Variants in NSRP1 observed in about 807,000 individuals in gnomAD.
The protein encoded by NSRP1 is coiled-coil domain containing 55.
A neutral mutation model predicts 54.7 loss-of-function variants in NSRP1; 24 were observed. The ratio of observed to expected loss-of-function variants is 0.44; its 90% confidence interval spans 0.32 to 0.62. The LOEUF is 0.62. Among genes scored for constraint, NSRP1 ranks in the 20% least tolerant of loss-of-function variants. The pLI is 0.06. For synonymous variants in NSRP1, 210 were observed against 213.8 expected (o/e 0.98, Z 0.15); for missense variants, 596 against 651.2 (o/e 0.92, Z 0.92).
intron 2 of NSRP1, chr17:30,168,784 CTT>C (rs947007273): frequency 1.3e-4 from 19 of 151,738 alleles, no homozygotes; most frequent in African/African-American, 4.4e-4. Flanking sequence ...TACTGCTACT[CTT>C]TTAAGCTTTT....
intron 2 of NSRP1, among the ~76,000 whole-genome samples, chr17:30,119,085 AT>A (rs1053446191): frequency 4.8e-5 from 7 of 144,816 alleles, no homozygotes; most frequent in South Asian, 2.2e-4. Context: ...ATGTTTTAAT[AT>A]TTTTTTTTCT....
chr17:30,118,077 C>T lies in NSRP1; in HGVS notation c.21-3C>T. 6.2e-7 allele frequency: 1 copy of T among 1,608,508 alleles called. No individual in the cohort carries two copies. Among genetic ancestry groups the T allele is most frequent in the Middle Eastern group, 1.7e-4 (1 of 6,034 alleles). ...ATTTCTATTTCAAAAAAAATATATGCAGGTATGGGCTTATTTTGCCAAAGA... is the reference window on the plus strand; with the variant it reads ...ATTTCTATTTCAAAAAAAATATATGTAGGTATGGGCTTATTTTGCCAAAGA... On this transcript the variant is annotated splice_region_variant and splice_polypyrimidine_tract_variant and intron_variant, in intron 1 of 6. Transcript: ENST00000247026.
rs749995123 is a variant in NSRP1, at chr17:30,185,011, G to C, written c.1014G>C (p.Arg338=). 1 of 1,614,142 alleles carries C rather than the reference G, an allele frequency of 6.2e-7. No individual in the cohort carries two copies. Among genetic ancestry groups the C allele is most frequent in the Non-Finnish European group, 8.5e-7 (1 of 1,180,034 alleles). ...ACCATTACACTGACCGTGATTACCG[G>C]AAAGAAAGGGATTCTCATAGGCACA... The part of the protein sequence containing the change: ...QENHYTDRDY[R]KERDSHRHRE... The change falls in exon 7 of 7, where the codon CGG becomes CGC. Residue 338 remains arginine (R), a synonymous_variant. Coordinates refer to ENST00000247026, the MANE Select transcript of NSRP1 (RefSeq NM_032141.4).
At chr17:30,168,752 T>C (rs1385431571) in intron 2 of NSRP1, 1 of 151,794 alleles carries the variant, frequency 6.6e-6, no homozygotes, top group Non-Finnish European at 1.5e-5. Context: ...AGGGTTACTA[T>C]TACAGAAAAA....
chr17:30,149,136 C>T (rs1164156349), intron 2 of NSRP1, among the ~76,000 whole-genome samples: 1 of 152,138 alleles, frequency 6.6e-6, no homozygotes, highest in African/African-American at 2.4e-5. Flanking sequence ...TGAAGACTTA[C>T]AGGTATAGCT....
chr17:30,178,210 T>C lies in NSRP1; in HGVS notation c.300+11T>C. On this transcript the variant is annotated intron_variant, in intron 4 of 6. Transcript: ENST00000247026. ...GGGAAAGACAGAAAGGTTTGTAAGC[T>C]GAAATAACAAACTTTCTTTGACCTT... is the stretch of plus-strand genomic sequence containing the variant. 1 of 1,587,880 alleles carries C rather than the reference T, an allele frequency of 6.3e-7. No individual in the cohort carries two copies. The highest frequency in any genetic ancestry group is 8.5e-7 in the Non-Finnish European group (1 of 1,173,610).
At chr17:30,121,393 A>G (rs1008323803) in intron 2 of NSRP1, among the ~76,000 whole-genome samples, 2 of 151,246 alleles carry the variant, frequency 1.3e-5, no homozygotes, top group Non-Finnish European at 2.9e-5. Context: ...CCACAGAAAT[A>G]AGTAGGACCT....
intron 3 of NSRP1, among the ~76,000 whole-genome samples, chr17:30,175,398 G>GT (rs1231840773): frequency 1.3e-5 from 2 of 151,784 alleles, no homozygotes; most frequent in Non-Finnish European, 2.9e-5. Context: ...TTGCTTGTTT[G>GT]TTTTTTGGGG....
intron 2 of NSRP1, chr17:30,149,975 T>TA (rs2071890746): frequency 6.6e-6 from 1 of 152,272 alleles, no homozygotes; most frequent in African/African-American, 2.4e-5. Flanking sequence ...TTCTTCCCTC[T>TA]ACTCTGCCCT....
rs541306672 is a variant in NSRP1 at position 30,135,834 on chromosome 17, T to G, written c.114+17661T>G. ...TGTGCATCTCATGCCCCCATTCATATAGGTGAAATCCCTCTAAACATGCAT... is the reference window on the plus strand; with the variant it reads ...TGTGCATCTCATGCCCCCATTCATAGAGGTGAAATCCCTCTAAACATGCAT... On this transcript the variant is annotated intron_variant, in intron 2 of 6. Transcript: ENST00000247026. Among the ~76,000 whole-genome samples, 3 of 152,280 alleles carry G rather than the reference T, an allele frequency of 2.0e-5. No homozygotes were observed. The South Asian group carries it at 6.2e-4, about 32-fold the overall frequency.
At chr17:30,162,530 A>G (rs528201317) in intron 2 of NSRP1, among the ~76,000 whole-genome samples, 1 of 152,364 alleles carries the variant, frequency 6.6e-6, no homozygotes, top group African/African-American at 2.4e-5. Flanking sequence ...AGTAAAAAAG[A>G]ACAGGAAGTT....
chr17:30,166,070 T>A (rs1904719386), intron 2 of NSRP1, among the ~76,000 whole-genome samples: 1 of 152,176 alleles, frequency 6.6e-6, no homozygotes, highest in Admixed American at 6.5e-5. Flanking sequence ...TTCAGCCATA[T>A]ATTTTTAAAC....
chr17:30,181,676 T>C (rs368373098), intron 6 of NSRP1, among the ~76,000 whole-genome samples: 1 of 150,818 alleles, frequency 6.6e-6, no homozygotes, highest in East Asian at 2.0e-4. Context: ...AATGGCGCGA[T>C]CTCTGCTTAC....
intron 2 of NSRP1, among the ~76,000 whole-genome samples, chr17:30,121,633 G>A (rs1461725455): frequency 1.4e-5 from 2 of 147,924 alleles, no homozygotes; most frequent in Admixed American, 6.8e-5. Context: ...GCGTGATCTC[G>A]GCTCACTGCA....
chr17:30,126,137 C>G (rs1184228501), intron 2 of NSRP1: 2 of 152,110 alleles, frequency 1.3e-5, no homozygotes, highest in East Asian at 1.9e-4. Flanking sequence ...ATTGATCTTC[C>G]TAAAGCACAG....
intron 2 of NSRP1, among the ~76,000 whole-genome samples, chr17:30,159,069 C>T (rs1904418727): frequency 6.6e-6 from 1 of 152,044 alleles, no homozygotes; most frequent in Non-Finnish European, 1.5e-5. Flanking sequence ...TCATTTTCAC[C>T]ATATTAATTC....
intron 2 of NSRP1, 48 bp from the exon 3 acceptor site, chr17:30,172,494 G>T (rs1235288111): frequency 6.6e-7 from 1 of 1,514,498 alleles, no homozygotes; most frequent in Non-Finnish European, 9.0e-7. Context: ...TACTGGAAAA[G>T]AAATTTTAAA....
intron 2 of NSRP1, among the ~76,000 whole-genome samples, chr17:30,166,243 A>G (rs553915764): frequency 2.6e-5 from 4 of 152,300 alleles, no homozygotes; most frequent in Non-Finnish European, 4.4e-5. Flanking sequence ...TGTGAACGTT[A>G]TTTTGTAAGT....
At chr17:30,146,844 G>A (rs2071860169) in intron 2 of NSRP1, among the ~76,000 whole-genome samples, 1 of 152,242 alleles carries the variant, frequency 6.6e-6, no homozygotes, top group African/African-American at 2.4e-5. Context: ...GCCCACCTGG[G>A]CCTCACAAGG....
Sources: gnomAD v4.1 joint callset for allele counts (sites outside exome capture counted in the v4.1 genomes callset) on GRCh38, gnomAD v4.1.1 for gene constraint, MANE v1.5 for transcripts, NCBI Gene and HGNC (gene_info 2026-07-23, HGNC 2026-07-21) for gene names.